SEM1: variants seen among roughly 807,000 people sequenced by gnomAD.
SEM1 encodes the protein 26S proteasome complex subunit SEM1.
SEM1 carries 3 observed loss-of-function variants against 12.7 expected under a neutral mutation model. The ratio of observed to expected loss-of-function variants is 0.24; its 90% CI spans 0.11 to 0.61. The LOEUF (loss-of-function observed/expected upper bound fraction) is 0.61, where lower values mean the gene tolerates loss of function less well. Ranked by LOEUF, SEM1 falls within the 20% of genes least tolerant of loss-of-function variation. The pLI is 0.88. For missense variants in SEM1, 59 were observed against 81.3 expected, an observed-to-expected ratio of 0.73 and a Z score of 1.06; for synonymous variants, 30 against 27.8, an observed-to-expected ratio of 1.08 and a Z score of -0.25.
intron 2 of SEM1, among the ~76,000 whole-genome samples, chr7:96,556,796 G>T (rs1805518025): frequency 7.3e-6 from 1 of 136,164 alleles, no homozygotes; most frequent in African/African-American, 2.7e-5. Context: ...TTTCCAACTT[G>T]GTTCCATTCT....
At chr7:96,629,567 C>T (rs1808182511) in intron 2 of SEM1, among the ~76,000 whole-genome samples, 1 of 152,066 alleles carries the variant, frequency 6.6e-6, no homozygotes, top group Non-Finnish European at 1.5e-5. Context: ...CTTTGAGTCT[C>T]CTCAAAACAG....
chr7:96,561,956 CACTT>C (rs1181404338), intron 2 of SEM1, among the ~76,000 whole-genome samples: 1 of 152,156 alleles, frequency 6.6e-6, no homozygotes, highest in East Asian at 1.9e-4. Context: ...AGGGATAGAA[CACTT>C]ACCTTTGGTT....
At chr7:96,650,067 A>T in intron 2 of SEM1, 1 of 157,260 alleles carries the variant, frequency 6.4e-6, no homozygotes, top group Non-Finnish European at 1.4e-5. Flanking sequence ...GTGGTCAAAC[A>T]AATTTGGAAA....
intron 2 of SEM1, among the ~76,000 whole-genome samples, chr7:96,580,599 G>T (rs1245506970): frequency 6.6e-6 from 1 of 151,836 alleles, no homozygotes; most frequent in African/African-American, 2.4e-5. Context: ...GTGTAAAAGT[G>T]TTCCTATTTC....
chr7:96,677,088 A>C (rs1165733594), intron 2 of SEM1, among the ~76,000 whole-genome samples: 2 of 152,218 alleles, frequency 1.3e-5, no homozygotes, highest in Admixed American at 6.5e-5. Context: ...CACTAAAAGC[A>C]ATCAGCGAAC....
At chr7:96,529,357 A>G (rs1039399540) in intron 2 of SEM1, among the ~76,000 whole-genome samples, 3 of 152,148 alleles carry the variant, frequency 2.0e-5, no homozygotes, top group African/African-American at 7.2e-5. Flanking sequence ...ATTTCATACC[A>G]TATCAAAAGT....
downstream of SEM1, chr7:96,622,274 A>C (rs1807919511): frequency 4.2e-6 from 1 of 235,568 alleles, no homozygotes; most frequent in South Asian, 1.4e-4. Context: ...CATGGAAAAA[A>C]AAAATAAAAC....
chr7:96,568,788 A>G (rs1014246152), intron 2 of SEM1, among the ~76,000 whole-genome samples: 1 of 151,866 alleles, frequency 6.6e-6, no homozygotes, highest in African/African-American at 2.4e-5. Context: ...GGATAAAATA[A>G]ATAAAACAAA....
At chr7:96,581,917 A>C (rs1438585891) in intron 2 of SEM1, among the ~76,000 whole-genome samples, 1 of 152,162 alleles carries the variant, frequency 6.6e-6, no homozygotes, top group Non-Finnish European at 1.5e-5. Context: ...TCATCTGCAA[A>C]CAGGGACAAT....
At chr7:96,623,486 TTAAA>T (rs1807959154) in intron 2 of SEM1, among the ~76,000 whole-genome samples, 3 of 147,644 alleles carry the variant, frequency 2.0e-5, no homozygotes, top group South Asian at 4.2e-4. Flanking sequence ...ATTTATATAT[TTAAA>T]TAGATAAATT....
chr7:96,588,727 C>T (rs1806736461), intron 2 of SEM1, among the ~76,000 whole-genome samples: 1 of 152,140 alleles, frequency 6.6e-6, no homozygotes, highest in Non-Finnish European at 1.5e-5. Context: ...GATTACACCA[C>T]TGCACTCCAG....
At chr7:96,582,202 A>C (rs936115471) in intron 2 of SEM1, among the ~76,000 whole-genome samples, 1 of 151,268 alleles carries the variant, frequency 6.6e-6, no homozygotes, top group African/African-American at 2.4e-5. Flanking sequence ...ATTTTGTCAA[A>C]GGCCTTTTCT....
At chr7:96,529,761 A>G (rs1804585801) in intron 2 of SEM1, among the ~76,000 whole-genome samples, 1 of 152,262 alleles carries the variant, frequency 6.6e-6, no homozygotes, top group East Asian at 1.9e-4. Context: ...CGTTGGGGAG[A>G]TACAAATAAA....
At chr7:96,662,130 T>C (rs1789023236) in intron 2 of SEM1, among the ~76,000 whole-genome samples, 1 of 152,128 alleles carries the variant, frequency 6.6e-6, no homozygotes, top group African/African-American at 2.4e-5. Flanking sequence ...CTCAAGGATC[T>C]AGAACCAGAA....
intron 1 of SEM1, among the ~76,000 whole-genome samples, chr7:96,705,768 C>T (rs546654861): frequency 4.9e-4 from 74 of 150,464 alleles, no homozygotes; most frequent in Middle Eastern, 3.4e-3. Flanking sequence ...TGCAGTGAGC[C>T]GAGATTGCGC....
intron 2 of SEM1, among the ~76,000 whole-genome samples, chr7:96,612,490 A>G (rs1563082763): frequency 6.6e-6 from 1 of 152,190 alleles, no homozygotes; most frequent in Non-Finnish European, 1.5e-5. Flanking sequence ...ATCTAGTAAA[A>G]GGTTCCCAAA....
At chr7:96,483,996 G>A in intron 3 of SEM1, 1 of 1,493,926 alleles carries the variant, frequency 6.7e-7, no homozygotes, top group East Asian at 2.5e-5. Context: ...GACCTATGAA[G>A]AAGAATGATA....
At chr7:96,659,064 C>T (rs1809280739) in intron 2 of SEM1, among the ~76,000 whole-genome samples, 1 of 152,120 alleles carries the variant, frequency 6.6e-6, no homozygotes, top group Non-Finnish European at 1.5e-5. Context: ...CAGAGGTGTA[C>T]TGCAGCAAAC....
At chr7:96,698,616 T>C (rs878857439) in intron 1 of SEM1, among the ~76,000 whole-genome samples, 1 of 152,230 alleles carries the variant, frequency 6.6e-6, no homozygotes, top group Admixed American at 6.5e-5. Flanking sequence ...TATGGCTGTA[T>C]AGTATTGCAC....
Sources: allele counts gnomAD v4.1 joint callset (sites outside exome capture counted in the v4.1 genomes callset), GRCh38; gene constraint gnomAD v4.1.1; transcripts MANE v1.5; gene names NCBI Gene and HGNC (gene_info 2026-07-23, HGNC 2026-07-21).